The following PRKG1 variants were observed in gnomAD, a reference collection of about 807,000 sequenced individuals.
PRKG1 encodes the protein cGMP-dependent protein kinase 1.
PRKG1 carries 35 observed loss-of-function variants against 88.1 expected under a neutral mutation model. That is an observed-to-expected ratio of 0.40 (90% CI 0.30 to 0.53). The LOEUF is 0.53. PRKG1 is among the 20% of genes least tolerant of loss of function. PRKG1 has a pLI of 0.59. For synonymous variants in PRKG1, 303 were observed against 292.5 expected (o/e 1.04, Z -0.37); for missense variants, 540 against 839.8 (o/e 0.64, Z 4.41).
intron 5 of PRKG1, among the ~76,000 whole-genome samples, chr10:52,024,319 T>TTTGTC (rs140237388): frequency 7.2e-6 from 1 of 139,602 alleles, no homozygotes; most frequent in Non-Finnish European, 1.5e-5. Flanking sequence ...TTATTTAACT[T>TTTGTC]TTTTTTTTAT....
At position 51,995,167 on chromosome 10, in the gene PRKG1, C is replaced by T. The variant is rs1005934946; in HGVS notation, c.763-59317C>T. Among the ~76,000 whole-genome samples the T allele has an allele frequency of 5.9e-5, 9 of 152,022 alleles. 1 individual carries two copies. Among genetic ancestry groups the T allele is most frequent in the South Asian group, 2.1e-4 (1 of 4,804 alleles). Reference sequence around the variant, plus strand: ...CCAATTTGATACTCTTTTTACTTTGCCTAGTATTAACAACAAAGCATTTTA... The same window carrying T: ...CCAATTTGATACTCTTTTTACTTTGTCTAGTATTAACAACAAAGCATTTTA... On this transcript the variant is annotated intron_variant, in intron 5 of 17. Coordinates refer to ENST00000373980, the MANE Select transcript of PRKG1 (RefSeq NM_006258.4).
intron 7 of PRKG1, among the ~76,000 whole-genome samples, chr10:52,121,059 C>T (rs1847809143): frequency 6.6e-6 from 1 of 152,196 alleles, no homozygotes; most frequent in Non-Finnish European, 1.5e-5. Context: ...AAGTGGCAGA[C>T]CAAGCAGCCC....
intron 10 of PRKG1, among the ~76,000 whole-genome samples, chr10:52,266,414 C>A (rs758956714): frequency 5.9e-5 from 9 of 151,896 alleles, no homozygotes; most frequent in African/African-American, 2.2e-4. Flanking sequence ...TGTTCCTCCC[C>A]CTGTGTCCAT....
At chr10:52,277,831 T>C (rs1841909433) in intron 12 of PRKG1, among the ~76,000 whole-genome samples, 1 of 152,188 alleles carries the variant, frequency 6.6e-6, no homozygotes, top group Admixed American at 6.5e-5. Flanking sequence ...TTACTCTCAT[T>C]ACAACATTAA....
Position 51,615,946 on chromosome 10 carries a change from C to G in PRKG1, c.592+148110C>G, listed in dbSNP as rs1198779188. ...GCACATCTGATGTAATAGTCACTTC[C>G]TCCCATTTTTAAAATTTGCTTTTGT... On this transcript the variant is annotated intron_variant, in intron 3 of 17. Transcript: ENST00000373980. 2.0e-5 allele frequency among the ~76,000 whole-genome samples: 3 copies of G among 152,056 alleles called. No homozygotes were observed. The East Asian group carries it at 5.8e-4, about 29-fold the overall frequency.
At chr10:52,092,257 G>A (rs1275500545) in intron 7 of PRKG1, among the ~76,000 whole-genome samples, 1 of 152,132 alleles carries the variant, frequency 6.6e-6, no homozygotes, top group East Asian at 1.9e-4. Context: ...ATTTGCTCCA[G>A]CCTATTTATG....
intron 1 of PRKG1, among the ~76,000 whole-genome samples, chr10:51,025,390 C>G (rs1843191543): frequency 6.6e-6 from 1 of 152,144 alleles, no homozygotes; most frequent in South Asian, 2.1e-4. Flanking sequence ...ATTTAACTGG[C>G]TGGTCCTGGT....
At chr10:51,686,894 C>T (rs1016055019) in intron 3 of PRKG1, among the ~76,000 whole-genome samples, 10 of 152,096 alleles carry the variant, frequency 6.6e-5, no homozygotes, top group African/African-American at 2.4e-4. Flanking sequence ...CGCCATCAGG[C>T]CCGGCTAATT....
intron 3 of PRKG1, among the ~76,000 whole-genome samples, chr10:51,546,749 CCA>C (rs1842452165): frequency 6.6e-6 from 1 of 151,190 alleles, no homozygotes; most frequent in African/African-American, 2.5e-5. Context: ...TCCTACTTAT[CCA>C]CAGTTTTATC....
chr10:51,332,063 AG>A (rs1446370134), intron 2 of PRKG1, among the ~76,000 whole-genome samples: 1 of 152,198 alleles, frequency 6.6e-6, no homozygotes, highest in Non-Finnish European at 1.5e-5. Context: ...ATCTTAATGA[AG>A]GGAAAGACTT....
intron 3 of PRKG1, among the ~76,000 whole-genome samples, chr10:51,638,032 C>T (rs1467897146): frequency 6.6e-6 from 1 of 152,120 alleles, no homozygotes; most frequent in South Asian, 2.1e-4. Context: ...GACGAGAGAT[C>T]CCCAATTTGC....
At chr10:51,692,228 C>T (rs1841161737) in intron 3 of PRKG1, among the ~76,000 whole-genome samples, 1 of 141,436 alleles carries the variant, frequency 7.1e-6, no homozygotes, top group Admixed American at 6.7e-5. Flanking sequence ...CCTATATTGG[C>T]CTTTTTAAAA....
intron 3 of PRKG1, among the ~76,000 whole-genome samples, chr10:51,550,780 T>C (rs1589070199): frequency 6.6e-6 from 1 of 151,948 alleles, no homozygotes; most frequent in East Asian, 1.9e-4. Context: ...TTGCCACATA[T>C]ATCAAGAATT....
At chr10:51,226,898 C>T (rs1459890441) in intron 2 of PRKG1, among the ~76,000 whole-genome samples, 1 of 152,042 alleles carries the variant, frequency 6.6e-6, no homozygotes, top group Non-Finnish European at 1.5e-5. Context: ...GAGAATTTTT[C>T]AGGAGATACT....
At chr10:51,409,931 C>T (rs924849775) in intron 2 of PRKG1, among the ~76,000 whole-genome samples, 12 of 151,200 alleles carry the variant, frequency 7.9e-5, no homozygotes, top group East Asian at 1.9e-4. Context: ...AGATCTCTAC[C>T]GTGATTCACC....
chr10:52,090,046 C>T (rs111539393), intron 7 of PRKG1, among the ~76,000 whole-genome samples: 1 of 151,968 alleles, frequency 6.6e-6, no homozygotes, highest in Non-Finnish European at 1.5e-5. Context: ...ATCTCTTGAC[C>T]TCGTGATCCA....
chr10:51,820,066 A>G (rs2132725722), intron 4 of PRKG1, among the ~76,000 whole-genome samples: 1 of 152,300 alleles, frequency 6.6e-6, no homozygotes, highest in African/African-American at 2.4e-5. Context: ...TAAAACTTAT[A>G]GAAACCGAAA....
At chr10:51,850,455 G>A (rs1028356102) in intron 4 of PRKG1, among the ~76,000 whole-genome samples, 1 of 151,778 alleles carries the variant, frequency 6.6e-6, no homozygotes, top group Non-Finnish European at 1.5e-5. Context: ...GGTATTACAG[G>A]CATAAGCCAC....
intron 7 of PRKG1, among the ~76,000 whole-genome samples, chr10:52,115,356 G>T (rs1269165745): frequency 5.3e-5 from 8 of 151,976 alleles, no homozygotes; most frequent in Admixed American, 5.2e-4. Flanking sequence ...AAGCCATTTA[G>T]AATTTTTTCT....
Sources: allele counts gnomAD v4.1 joint callset (sites outside exome capture counted in the v4.1 genomes callset), GRCh38; gene constraint gnomAD v4.1.1; transcripts MANE v1.5; gene names NCBI Gene and HGNC (gene_info 2026-07-23, HGNC 2026-07-21).